MYO18B: variants seen among roughly 807,000 people sequenced by gnomAD.
The protein encoded by MYO18B is unconventional myosin-XVIIIb.
In MYO18B, 204 loss-of-function variants were observed where a neutral mutation model predicts 273.0. The observed-to-expected ratio is 0.75, with a 90% CI of 0.67 to 0.84. MYO18B has a LOEUF of 0.84. Ranked by LOEUF, MYO18B falls within the 40% of genes least tolerant of loss-of-function variation. The pLI is 0.00. For missense variants in MYO18B, 3,212 were observed against 3,287.6 expected, an observed-to-expected ratio of 0.98 and a Z score of 0.56; for synonymous variants, 1,330 against 1,305.7, an observed-to-expected ratio of 1.02 and a Z score of -0.40.
At chr22:25,900,787 C>T (rs911645286) in intron 29 of MYO18B, 8 of 152,372 alleles carry the variant, frequency 5.3e-5, no homozygotes, top group African/African-American at 1.9e-4. Flanking sequence ...AAGGACTCCT[C>T]TGCACCATCA....
intron 39 of MYO18B, among the ~76,000 whole-genome samples, chr22:25,957,749 G>A (rs138297908): frequency 7.0e-4 from 106 of 152,130 alleles, no homozygotes; most frequent in African/African-American, 2.3e-3. Flanking sequence ...CTGCCTCAGT[G>A]ATGGCTTTCT....
chr22:25,770,804 C>A, intron 5 of MYO18B, 68 bp from the exon 6 acceptor site: 1 of 1,150,830 alleles, frequency 8.7e-7, no homozygotes, highest in South Asian at 1.4e-5. Flanking sequence ...CTCCTGCCCT[C>A]GCCTCTTTCC....
intron 9 of MYO18B, 94 bp downstream of exon 9, chr22:25,780,292 C>G (rs567485285): frequency 7.1e-7 from 1 of 1,412,308 alleles, no homozygotes; most frequent in East Asian, 2.5e-5. Flanking sequence ...AGCTGGGACT[C>G]TAGGATGTGT....
In MYO18B at chr22:25,823,277, T is replaced by C. The variant is rs562757501; in HGVS notation, c.2522-228T>C. On this transcript the variant is annotated intron_variant, in intron 12 of 43. Coordinates refer to ENST00000335473, the MANE Select transcript of MYO18B (RefSeq NM_032608.7). ...GATATTTTTAATCGCTTTGAAAAAG[T>C]AAGCAATGCAAATGGCGAGGAAGTC... is the stretch of plus-strand genomic sequence containing the variant. 1.6e-4 allele frequency among the ~76,000 whole-genome samples: 25 copies of C among 152,232 alleles called. 1 individual carries two copies. Among genetic ancestry groups the C allele is most frequent in the Admixed American group, 8.5e-4 (13 of 15,298 alleles).
intron 23 of MYO18B, among the ~76,000 whole-genome samples, chr22:25,875,637 A>G (rs1400012613): frequency 2.0e-5 from 3 of 152,344 alleles, no homozygotes; most frequent in East Asian, 3.9e-4. Flanking sequence ...TGGCTGAATC[A>G]GCACCTTTGG....
intron 29 of MYO18B, chr22:25,901,278 A>G (rs2091928745): frequency 6.6e-6 from 1 of 152,226 alleles, no homozygotes; most frequent in South Asian, 2.1e-4. Context: ...CCCCATGCCC[A>G]CTTCTGCCAT....
At chr22:25,933,960 A>G (rs766230303) in intron 34 of MYO18B, among the ~76,000 whole-genome samples, 1 of 152,246 alleles carries the variant, frequency 6.6e-6, no homozygotes, top group African/African-American at 2.4e-5. Context: ...TCAACAGAAC[A>G]TGAAAGTCCT....
chr22:25,918,438 T>C (rs1356355895), intron 33 of MYO18B, among the ~76,000 whole-genome samples: 1 of 152,260 alleles, frequency 6.6e-6, no homozygotes, highest in Non-Finnish European at 1.5e-5. Flanking sequence ...ACCATCTTTA[T>C]CAAAGTTTGA....
chr22:25,982,617 T>C (rs1484076479), intron 39 of MYO18B, among the ~76,000 whole-genome samples: 1 of 152,214 alleles, frequency 6.6e-6, no homozygotes, highest in Non-Finnish European at 1.5e-5. Flanking sequence ...CCAGCATTTC[T>C]TGGCTCCTGG....
Position 25,829,316 on chromosome 22 carries a change from G to C in MYO18B, c.2979+348G>C, listed in dbSNP as rs547412346. Among the ~76,000 whole-genome samples, 107 of 152,248 alleles carry C rather than the reference G, an allele frequency of 7.0e-4. 1 individual carries two copies. Among genetic ancestry groups the C allele is most frequent in the African/African-American group, 2.3e-3 (96 of 41,558 alleles). ...CAAGAGTCAGTCTGCATCTGCCCAG[G>C]GGGGGAATGCCCTTTGAGTCCTGTG... On this transcript the variant is annotated intron_variant, in intron 15 of 43. Transcript: ENST00000335473.
At chr22:25,925,964 G>A (rs544371411) in intron 34 of MYO18B, among the ~76,000 whole-genome samples, 1 of 149,956 alleles carries the variant, frequency 6.7e-6, no homozygotes, top group South Asian at 2.1e-4. Flanking sequence ...CCAGCACTTT[G>A]GGAGGCCGAG....
At chr22:25,797,878 T>C in intron 11 of MYO18B, 75 bp from the exon 12 acceptor site, 1 of 1,606,014 alleles carries the variant, frequency 6.2e-7, no homozygotes, top group Non-Finnish European at 8.5e-7. Context: ...GAGACGGAGC[T>C]CAGCTTCAAG....
chr22:25,946,414 T>C (rs770098251), intron 35 of MYO18B, among the ~76,000 whole-genome samples, 164 bp downstream of exon 35: 19 of 151,958 alleles, frequency 1.3e-4, no homozygotes, highest in Non-Finnish European at 2.6e-4. Context: ...AGGCCTTTTA[T>C]GTGCTCAGCT....
rs1340987953 is a variant in MYO18B, at chr22:25,845,991, A to G, written c.3369-109A>G. On this transcript the variant is annotated intron_variant, in intron 18 of 43. Coordinates refer to ENST00000335473, the MANE Select transcript of MYO18B (RefSeq NM_032608.7). ...ACATGACTGTAGAGGAGGCTTTAGGAAGCCGAGGAGCAGGAAGCAAGAAGG... is the reference window on the plus strand; with the variant it reads ...ACATGACTGTAGAGGAGGCTTTAGGGAGCCGAGGAGCAGGAAGCAAGAAGG... 18 of 984,496 alleles carry G rather than the reference A, an allele frequency of 1.8e-5. No individual in the cohort carries two copies. The South Asian group carries it at 3.6e-4, about 20-fold the overall frequency. 61.0% of individuals were successfully genotyped at this position (984,496 alleles called of 1,614,324 possible).
intron 17 of MYO18B, among the ~76,000 whole-genome samples, chr22:25,841,721 C>T (rs1003808701): frequency 5.9e-4 from 90 of 152,302 alleles, no homozygotes; most frequent in African/African-American, 2.0e-3. Context: ...TTCCCTGTCC[C>T]CTACTCGGTC....
intron 21 of MYO18B, among the ~76,000 whole-genome samples, chr22:25,857,257 A>G (rs1343411280): frequency 1.3e-5 from 2 of 152,204 alleles, no homozygotes; most frequent in East Asian, 3.8e-4. Flanking sequence ...CTGCTGAAGC[A>G]GGAGTTGCCA....
intron 21 of MYO18B, among the ~76,000 whole-genome samples, chr22:25,857,135 A>G (rs1324564083): frequency 6.6e-6 from 1 of 152,012 alleles, no homozygotes; most frequent in Admixed American, 6.6e-5. Context: ...TTTAACCTAC[A>G]CCAAAGCCTA....
the MYO18B span, among the ~76,000 whole-genome samples, chr22:26,060,155 G>A: frequency 6.6e-6 from 1 of 152,150 alleles, no homozygotes; most frequent in Non-Finnish European, 1.5e-5. Context: ...TATGGCCTGT[G>A]GGCCACATTC....
At chr22:26,053,001 G>C in the MYO18B span, among the ~76,000 whole-genome samples, 1 of 151,860 alleles carries the variant, frequency 6.6e-6, no homozygotes, top group Non-Finnish European at 1.5e-5. Context: ...TAGAGATGGG[G>C]TTTCACTGTG....
Sources: allele counts gnomAD v4.1 joint callset (sites outside exome capture counted in the v4.1 genomes callset), GRCh38; gene constraint gnomAD v4.1.1; transcripts MANE v1.5; gene names NCBI Gene and HGNC (gene_info 2026-07-23, HGNC 2026-07-21).